LIPC: variants seen among roughly 807,000 people sequenced by gnomAD.
LIPC encodes hepatic triacylglycerol lipase.
A neutral mutation model predicts 50.7 loss-of-function variants in LIPC; 44 were observed. The observed-to-expected ratio is 0.87, with a 90% CI of 0.68 to 1.11. LIPC has a LOEUF of 1.11. LIPC is among the 50% of genes most tolerant of loss of function. The pLI is 0.00. For synonymous variants in LIPC, 271 were observed against 256.4 expected, an observed-to-expected ratio of 1.06 and a Z score of -0.54; for missense variants, 697 against 648.2, an observed-to-expected ratio of 1.08 and a Z score of -0.82.
chr15:58,542,686 A>G (rs1329913001), intron 4 of LIPC, 35 bp downstream of exon 4: 2 of 1,383,846 alleles, frequency 1.4e-6, no homozygotes, highest in South Asian at 1.2e-5. Context: ...ACTGATCTCC[A>G]CTCCATAGGG....
At chr15:58,502,950 A>G (rs960353607) in intron 1 of LIPC, among the ~76,000 whole-genome samples, 1 of 58,206 alleles carries the variant, frequency 1.7e-5, no homozygotes, top group South Asian at 1.2e-3. Context: ...GTGCTGAAAC[A>G]TTGTTTAAAA....
chr15:58,508,940 T>C (rs1892249062), intron 1 of LIPC, among the ~76,000 whole-genome samples: 1 of 152,172 alleles, frequency 6.6e-6, no homozygotes, highest in Non-Finnish European at 1.5e-5. Flanking sequence ...GTACTACTTG[T>C]AGGCAGAGCT....
intron 1 of LIPC, among the ~76,000 whole-genome samples, chr15:58,501,458 A>G (rs967255168): frequency 6.6e-6 from 1 of 151,956 alleles, no homozygotes. Context: ...TAAAATGACA[A>G]AGAATTTAGA....
chr15:58,450,981 G>A (rs1379273150), intron 1 of LIPC, among the ~76,000 whole-genome samples: 1 of 152,202 alleles, frequency 6.6e-6, no homozygotes, highest in Non-Finnish European at 1.5e-5. Flanking sequence ...TATAAGCCAT[G>A]ATGAGGCTGC....
chr15:58,513,375 G>A (rs1451786950), intron 1 of LIPC, among the ~76,000 whole-genome samples: 1 of 152,178 alleles, frequency 6.6e-6, no homozygotes, highest in Non-Finnish European at 1.5e-5. Flanking sequence ...AACCTTCCAA[G>A]CACTTTGATG....
At chr15:58,565,936 G>A in intron 8 of LIPC, 1 of 968,972 alleles carries the variant, frequency 1.0e-6, no homozygotes, top group South Asian at 4.8e-5. Context: ...AAAAATCTGA[G>A]TTGTGGCTCT....
At chr15:58,505,987 G>A (rs1892136409) in intron 1 of LIPC, among the ~76,000 whole-genome samples, 1 of 152,166 alleles carries the variant, frequency 6.6e-6, no homozygotes, top group Admixed American at 6.5e-5. Flanking sequence ...TTTGGATAGA[G>A]GAATTCCACT....
rs114992697 is a variant in LIPC, at chr15:58,521,071, G to A, written c.89-17262G>A. ...TTCTTTCAGCTCATTCCTAGAGGGC[G>A]GACAGAGGCAGGAGTTGCTGTGTTG... On this transcript the variant is annotated intron_variant, in intron 1 of 8. Transcript: ENST00000299022. 1.1e-3 allele frequency among the ~76,000 whole-genome samples: 161 copies of A among 152,206 alleles called. 1 individual carries two copies. Among genetic ancestry groups the A allele is most frequent in the African/African-American group, 3.7e-3 (154 of 41,514 alleles).
At chr15:58,452,921 G>A (rs1374288218) in intron 1 of LIPC, among the ~76,000 whole-genome samples, 2 of 152,184 alleles carry the variant, frequency 1.3e-5, no homozygotes, top group Admixed American at 1.3e-4. Flanking sequence ...GGTGGCCTTG[G>A]CCTGTGAAGA....
intron 1 of LIPC, among the ~76,000 whole-genome samples, chr15:58,468,620 T>C (rs1427489490): frequency 2.6e-5 from 4 of 152,140 alleles, no homozygotes; most frequent in Non-Finnish European, 5.9e-5. Flanking sequence ...AGGGGATTTG[T>C]GATTAATACA....
At chr15:58,515,533 C>CACACATATATATATATATAT (rs147594972) in intron 1 of LIPC, among the ~76,000 whole-genome samples, 10 of 141,722 alleles carry the variant, frequency 7.1e-5, no homozygotes, top group African/African-American at 2.7e-4. Flanking sequence ...TATACACACA[C>CACACATATATATATATATAT]ATATATATAT....
chr15:58,549,640 AT>A (rs1166358259), intron 6 of LIPC, among the ~76,000 whole-genome samples: 1 of 152,200 alleles, frequency 6.6e-6, no homozygotes, highest in East Asian at 1.9e-4. Context: ...CAGGCAGCTT[AT>A]TTTTGAGGCA....
chr15:58,533,518 A>G (rs1247077011), intron 1 of LIPC, among the ~76,000 whole-genome samples: 2 of 152,268 alleles, frequency 1.3e-5, no homozygotes, highest in Non-Finnish European at 2.9e-5. Context: ...AAAGAATATC[A>G]TCAGAGAATT....
intron 1 of LIPC, among the ~76,000 whole-genome samples, chr15:58,442,383 G>T (rs1227216400): frequency 6.6e-6 from 1 of 152,188 alleles, no homozygotes; most frequent in Non-Finnish European, 1.5e-5. Flanking sequence ...ACACCCGGAG[G>T]ACAAAGATGG....
chr15:58,461,449 G>A (rs1311434651), intron 1 of LIPC, among the ~76,000 whole-genome samples: 4 of 152,222 alleles, frequency 2.6e-5, no homozygotes, highest in Non-Finnish European at 4.4e-5. Flanking sequence ...CTGTCACCAA[G>A]GCTGGAGTGC....
chr15:58,442,660 G>A (rs1052026446), intron 1 of LIPC, among the ~76,000 whole-genome samples: 12 of 152,244 alleles, frequency 7.9e-5, no homozygotes, highest in African/African-American at 2.4e-4. Context: ...CACCCTGTGA[G>A]ATAGGTATTA....
At chr15:58,528,330 G>A (rs1388078204) in intron 1 of LIPC, among the ~76,000 whole-genome samples, 3 of 151,932 alleles carry the variant, frequency 2.0e-5, no homozygotes, top group Non-Finnish European at 2.9e-5. Flanking sequence ...GATTAAATCC[G>A]GCCTAAAAAC....
rs545143117 is a variant in LIPC at position 58,567,939 on chromosome 15, T to A, written c.1389-777T>A. On this transcript the variant is annotated intron_variant, in intron 8 of 8. Transcript: ENST00000299022. ...CCTTTACCATTTGAATTTTCAAGAA[T>A]GCATTCACAAATTACTCATAGCATT... 4.6e-5 allele frequency among the ~76,000 whole-genome samples: 7 copies of A among 152,324 alleles called. No individual in the cohort carries two copies. The South Asian group carries it at 1.4e-3, about 32-fold the overall frequency.
At chr15:58,508,641 A>C (rs1566933737) in intron 1 of LIPC, among the ~76,000 whole-genome samples, 1 of 152,168 alleles carries the variant, frequency 6.6e-6, no homozygotes, top group Non-Finnish European at 1.5e-5. Context: ...ACAAAAATGT[A>C]TTCATCCCCA....
Sources: gnomAD v4.1 joint callset for allele counts (sites outside exome capture counted in the v4.1 genomes callset) on GRCh38, gnomAD v4.1.1 for gene constraint, MANE v1.5 for transcripts, NCBI Gene and HGNC (gene_info 2026-07-23, HGNC 2026-07-21) for gene names.